RUFY2: variants seen among roughly 807,000 people sequenced by gnomAD.
The protein encoded by RUFY2 is RUN and FYVE domain containing 2.
Under a neutral mutation model 94.4 loss-of-function variants are expected in RUFY2, and 49 were observed. That is an observed-to-expected ratio of 0.52 (90% CI 0.41 to 0.66). RUFY2 has a LOEUF of 0.66. Among genes scored for constraint, RUFY2 ranks in the 30% least tolerant of loss-of-function variants. RUFY2 has a pLI of 0.00. For synonymous variants in RUFY2, 255 were observed against 235.7 expected (o/e 1.08, Z -0.75); for missense variants, 541 against 692.8 (o/e 0.78, Z 2.46).
At chr10:68,394,290 A>C (rs750176081) in intron 5 of RUFY2, 38 bp downstream of exon 5, 41 of 1,613,052 alleles carry the variant, frequency 2.5e-5, no homozygotes, top group Non-Finnish European at 3.3e-5. Flanking sequence ...GTGCAAACTG[A>C]AAACACTCTG....
intron 16 of RUFY2, among the ~76,000 whole-genome samples, chr10:68,353,262 C>A (rs190183463): frequency 6.9e-6 from 1 of 145,154 alleles, no homozygotes; most frequent in Non-Finnish European, 1.5e-5. Context: ...AGCCGGGAGG[C>A]GGAGGTTGCA....
chr10:68,348,212 G>A (rs996645105), intron 16 of RUFY2, among the ~76,000 whole-genome samples: 1 of 150,196 alleles, frequency 6.7e-6, no homozygotes, highest in African/African-American at 2.5e-5. Flanking sequence ...AATGCAGGAC[G>A]GGGGCCAGGT....
chr10:68,369,964 G>A (rs1354465844), intron 13 of RUFY2, among the ~76,000 whole-genome samples: 1 of 151,158 alleles, frequency 6.6e-6, no homozygotes, highest in South Asian at 2.1e-4. Context: ...ACCCAGTCTC[G>A]GGTATTCAGT....
At chr10:68,376,436 ATG>A (rs199958667) in intron 13 of RUFY2, among the ~76,000 whole-genome samples, 923 of 58,264 alleles carry the variant, frequency 0.016, 60 homozygotes, top group Admixed American at 0.022. Context: ...TCTCAAAAAA[ATG>A]TGTGTATATA....
chr10:68,341,257 T>G, downstream of RUFY2: 1 of 1,607,726 alleles, frequency 6.2e-7, no homozygotes, highest in Non-Finnish European at 8.5e-7. Context: ...ATGTAGAGTT[T>G]GTGACACATG....
Position 68,381,173 on chromosome 10 carries a change from C to G in RUFY2, c.1107+59G>C, listed in dbSNP as rs1322903771. ...TGGGCTCATCTCTTAAAAACCAAAA[C>G]CTTTCTACAAATATTCACTTTCAAT... is the stretch of plus-strand genomic sequence containing the variant. On this transcript the variant is annotated intron_variant, in intron 11 of 17. Transcript: ENST00000602465. 2.0e-5 allele frequency: 28 copies of G among 1,427,826 alleles called. No individual in the cohort carries two copies. The East Asian group carries it at 3.6e-4, about 18-fold the overall frequency. The allele number at this position is 1,427,826 out of a possible 1,614,324, so 88.4% of individuals were successfully genotyped here.
intron 1 of RUFY2, among the ~76,000 whole-genome samples, chr10:68,406,381 G>A (rs1564863336): frequency 6.6e-6 from 1 of 152,202 alleles, no homozygotes; most frequent in Non-Finnish European, 1.5e-5. Context: ...TTTTTCGGGA[G>A]TGAAACCACT....
At chr10:68,370,143 G>A (rs909577974) in intron 13 of RUFY2, among the ~76,000 whole-genome samples, 2 of 151,892 alleles carry the variant, frequency 1.3e-5, no homozygotes, top group African/African-American at 2.4e-5. Flanking sequence ...AAATTAGCCG[G>A]GCATGGTGGT....
intron 15 of RUFY2, among the ~76,000 whole-genome samples, chr10:68,361,808 A>G (rs1007944208): frequency 6.6e-5 from 10 of 152,256 alleles, no homozygotes; most frequent in African/African-American, 1.4e-4. Context: ...ATATGTCCAT[A>G]TAACTAATTC....
At chr10:68,390,251 TCA>T (rs1175327269) in intron 7 of RUFY2, among the ~76,000 whole-genome samples, 6 of 152,098 alleles carry the variant, frequency 3.9e-5, no homozygotes, top group Admixed American at 3.9e-4. Flanking sequence ...AAAGCAAGAG[TCA>T]CAGCTTATTA....
At chr10:68,400,989 G>C (rs951523165) in intron 3 of RUFY2, among the ~76,000 whole-genome samples, 1 of 151,056 alleles carries the variant, frequency 6.6e-6, no homozygotes, top group African/African-American at 2.5e-5. Context: ...CTCCAGCCTG[G>C]GCGACAGAGC....
At chr10:68,382,973 A>G (rs193134255) in intron 10 of RUFY2, among the ~76,000 whole-genome samples, 2 of 152,318 alleles carry the variant, frequency 1.3e-5, no homozygotes, top group Admixed American at 6.5e-5. Flanking sequence ...TTCATTTTCT[A>G]TAACGCTGGT....
downstream of RUFY2, chr10:68,341,466 GTAAT>G (rs2045933494): frequency 1.3e-5 from 13 of 997,118 alleles, no homozygotes; most frequent in South Asian, 1.8e-4. Context: ...CGCTGTACTA[GTAAT>G]TAATAAGCAT....
intron 3 of RUFY2, among the ~76,000 whole-genome samples, chr10:68,400,886 G>A (rs1031009072): frequency 1.3e-4 from 19 of 150,114 alleles, no homozygotes; most frequent in African/African-American, 4.2e-4. Flanking sequence ...GGTGGCGGGC[G>A]CCTGTAGTCC....
At chr10:68,380,600 G>A (rs1451562638) in intron 11 of RUFY2, among the ~76,000 whole-genome samples, 2 of 151,960 alleles carry the variant, frequency 1.3e-5, no homozygotes, top group African/African-American at 4.8e-5. Flanking sequence ...GGTGGCTCAC[G>A]CCTGTAATCT....
At chr10:68,381,155 A>T (rs1212268264) in intron 11 of RUFY2, 77 bp downstream of exon 11, 3 of 1,132,114 alleles carry the variant, frequency 2.6e-6, no homozygotes, top group Non-Finnish European at 3.7e-6. Context: ...AAATGGGCTC[A>T]TCTCTTAAAA....
intron 7 of RUFY2, among the ~76,000 whole-genome samples, chr10:68,388,794 C>G (rs1036118948): frequency 1.3e-4 from 20 of 149,326 alleles, no homozygotes; most frequent in African/African-American, 4.9e-4. Context: ...CAAGATCAGG[C>G]CACTGCACTC....
intron 8 of RUFY2, 79 bp downstream of exon 8, chr10:68,385,980 G>C: frequency 1.2e-6 from 1 of 852,656 alleles, no homozygotes; most frequent in African/African-American, 1.7e-5. Flanking sequence ...GTGTGTGTAT[G>C]TTTAATGCAT....
chr10:68,401,913 C>G (rs2050878487), intron 2 of RUFY2, among the ~76,000 whole-genome samples, 176 bp from the exon 3 acceptor site: 1 of 152,110 alleles, frequency 6.6e-6, no homozygotes, highest in Admixed American at 6.6e-5. Context: ...GATCCTGTTG[C>G]CCATCCTGCT....
Sources: allele counts gnomAD v4.1 joint callset (sites outside exome capture counted in the v4.1 genomes callset), GRCh38; gene constraint gnomAD v4.1.1; transcripts MANE v1.5; gene names NCBI Gene and HGNC (gene_info 2026-07-23, HGNC 2026-07-21).